TMEM170B: variants seen among roughly 807,000 people sequenced by gnomAD.
TMEM170B encodes transmembrane protein 170B.
In TMEM170B, 6 loss-of-function variants were observed where a neutral mutation model predicts 13.0. The observed-to-expected ratio is 0.46, with a 90% CI of 0.25 to 0.91. The LOEUF is 0.91. TMEM170B is among the 40% of genes least tolerant of loss of function. The pLI is 0.17. For synonymous variants in TMEM170B, 61 were observed against 64.9 expected, an observed-to-expected ratio of 0.94 and a Z score of 0.29; for missense variants, 138 against 165.2, an observed-to-expected ratio of 0.84 and a Z score of 0.90.
chr6:11,544,755 C>T (rs1238090728), intron 1 of TMEM170B, among the ~76,000 whole-genome samples: 2 of 152,180 alleles, frequency 1.3e-5, no homozygotes, highest in Non-Finnish European at 2.9e-5. Context: ...GTGTTTTTCA[C>T]AGGATTCCTA....
intron 1 of TMEM170B, among the ~76,000 whole-genome samples, chr6:11,542,458 T>C (rs758446064): frequency 2.0e-5 from 3 of 152,132 alleles, no homozygotes; most frequent in Non-Finnish European, 4.4e-5. Flanking sequence ...ACCTTGCCAT[T>C]TCATAAAGGA....
At position 11,580,170 on chromosome 6, in the gene TMEM170B, A is replaced by G. The variant is rs1052404386; in HGVS notation, c.*4609A>G. The G allele has an allele frequency of 1.1e-4, 16 of 152,172 alleles. No homozygotes were observed. The highest frequency in any genetic ancestry group is 3.9e-4 in the African/African-American group (16 of 41,490). 9.4% of individuals were successfully genotyped at this position (152,172 alleles called of 1,614,324 possible). On this transcript the variant is annotated 3_prime_UTR_variant, in exon 3 of 3. Transcript: ENST00000379426. Reference sequence around the variant, plus strand: ...GCTGGGATTACAGGCGTGCACCACCATGCCTGGCCAGTTTTGTATTTTTAG... The same window carrying G: ...GCTGGGATTACAGGCGTGCACCACCGTGCCTGGCCAGTTTTGTATTTTTAG...
At chr6:11,566,845 G>A (rs1197621707) in intron 2 of TMEM170B, among the ~76,000 whole-genome samples, 1 of 152,212 alleles carries the variant, frequency 6.6e-6, no homozygotes, top group Non-Finnish European at 1.5e-5. Flanking sequence ...TTAAGAAGTT[G>A]TATTCATGCT....
chr6:11,549,252 T>C (rs561571444), intron 1 of TMEM170B, among the ~76,000 whole-genome samples: 1 of 152,366 alleles, frequency 6.6e-6, no homozygotes, highest in South Asian at 2.1e-4. Flanking sequence ...AGTGAGCGTA[T>C]AAATTTATTT....
chr6:11,562,588 CTTTTA>C (rs1759682017), intron 1 of TMEM170B, among the ~76,000 whole-genome samples: 1 of 151,806 alleles, frequency 6.6e-6, no homozygotes, highest in South Asian at 2.1e-4. Flanking sequence ...TAAGATTAAA[CTTTTA>C]TTTTGAGATT....
chr6:11,571,175 C>CTTTTT (rs11292093), intron 2 of TMEM170B, among the ~76,000 whole-genome samples: 2 of 124,360 alleles, frequency 1.6e-5, no homozygotes, highest in Non-Finnish European at 3.7e-5. Context: ...CATATGCTTG[C>CTTTTT]TTTTTTTTTT....
At chr6:11,538,933 G>C (rs961293889) in intron 1 of TMEM170B, among the ~76,000 whole-genome samples, 1 of 152,204 alleles carries the variant, frequency 6.6e-6, no homozygotes, top group Non-Finnish European at 1.5e-5. Context: ...TGCGGTCTAA[G>C]CGTGTTAGCT....
rs1759935192 is a variant in TMEM170B, at chr6:11,580,211, C to T, written c.*4650C>T. 1 of 152,088 alleles carries T rather than the reference C, an allele frequency of 6.6e-6. No homozygotes were observed. Among genetic ancestry groups the T allele is most frequent in the Admixed American group, 6.6e-5 (1 of 15,250 alleles). The allele number at this position is 152,088 out of a possible 1,614,324, so 9.4% of individuals were successfully genotyped here. A position where few individuals can be genotyped will look rare whatever the true frequency, so the allele number is the denominator to read the frequency against. The stretch of plus-strand genomic sequence containing the variant: ...GTATTTTTAGTAGAGACAGATTTCT[C>T]TATGTTGGTCAGGCTGGTCTCAAAC... On this transcript the variant is annotated 3_prime_UTR_variant, in exon 3 of 3. Transcript: ENST00000379426.
chr6:11,546,127 C>T (rs1165245070), intron 1 of TMEM170B, among the ~76,000 whole-genome samples: 1 of 151,410 alleles, frequency 6.6e-6, no homozygotes, highest in Non-Finnish European at 1.5e-5. Flanking sequence ...CCCTGCCTGT[C>T]ATTGCCCCTG....
rs1759942174 is a variant in TMEM170B at position 11,580,559 on chromosome 6, T to C, written c.*4998T>C. ...TTGCAGAGAAATTTGGTAACACTTT[T>C]TGGGTAACTGGGTAAATTACTATTT... On this transcript the variant is annotated 3_prime_UTR_variant, in exon 3 of 3. Coordinates refer to ENST00000379426, the MANE Select transcript of TMEM170B (RefSeq NM_001100829.3). 6.6e-6 allele frequency: 1 copy of C among 152,190 alleles called. No individual in the cohort carries two copies. Among genetic ancestry groups the C allele is most frequent in the Non-Finnish European group, 1.5e-5 (1 of 68,028 alleles). The allele number at this position is 152,190 out of a possible 1,614,324, so 9.4% of individuals were successfully genotyped here.
At chr6:11,556,542 G>T (rs1759592238) in intron 1 of TMEM170B, among the ~76,000 whole-genome samples, 1 of 152,176 alleles carries the variant, frequency 6.6e-6, no homozygotes, top group South Asian at 2.1e-4. Flanking sequence ...CTGTTTCTGT[G>T]TTAGGCATGC....
In TMEM170B at chr6:11,538,239, G is replaced by A. The variant is rs748608562; in HGVS notation, c.-39G>A. 4.3e-4 allele frequency: 506 copies of A among 1,176,352 alleles called. 2 individuals are homozygous for A. Among genetic ancestry groups the A allele is most frequent in the Admixed American group, 3.4e-4 (8 of 23,382 alleles). 72.9% of individuals were successfully genotyped at this position (1,176,352 alleles called of 1,614,324 possible). ...AGCCTCGCAGCCGCCGCCGCCGCCC[G>A]GCACCCGAGGAGAGGGCGGCGGGCG... On this transcript the variant is annotated 5_prime_UTR_variant, in exon 1 of 3. Transcript: ENST00000379426.
intron 1 of TMEM170B, among the ~76,000 whole-genome samples, chr6:11,545,280 C>CTGTGTGTG (rs1210551633): frequency 0.017 from 2,381 of 139,782 alleles, 42 homozygotes; most frequent in African/African-American, 0.048. Flanking sequence ...CTCTCTCTCT[C>CTGTGTGTG]TGTGTGTGTG....
At chr6:11,546,955 C>T (rs1414879243) in intron 1 of TMEM170B, among the ~76,000 whole-genome samples, 1 of 152,168 alleles carries the variant, frequency 6.6e-6, no homozygotes, top group Non-Finnish European at 1.5e-5. Flanking sequence ...AGATTAACAA[C>T]AACAAATACT....
chr6:11,566,864 G>T lies in TMEM170B; in HGVS notation c.268+1028G>T, dbSNP rs1344346945. ...GAAGTTGTATTCATGCTCATCTGAGGCTTTCTTCCGTTTTCCGGTGGAATG... is the reference window on the plus strand; with the variant it reads ...GAAGTTGTATTCATGCTCATCTGAGTCTTTCTTCCGTTTTCCGGTGGAATG... On this transcript the variant is annotated intron_variant, in intron 2 of 2. Coordinates refer to ENST00000379426, the MANE Select transcript of TMEM170B (RefSeq NM_001100829.3). 3.3e-5 allele frequency among the ~76,000 whole-genome samples: 5 copies of T among 152,242 alleles called. No homozygotes were observed. In the East Asian group the frequency reaches 9.6e-4, roughly 29 times the overall value.
At chr6:11,563,776 G>A (rs929427244) in intron 1 of TMEM170B, among the ~76,000 whole-genome samples, 1 of 152,188 alleles carries the variant, frequency 6.6e-6, no homozygotes, top group African/African-American at 2.4e-5. Flanking sequence ...ACCAGTCTGG[G>A]CAGCACAGGC....
At chr6:11,543,359 G>A (rs541903056) in intron 1 of TMEM170B, among the ~76,000 whole-genome samples, 31 of 152,218 alleles carry the variant, frequency 2.0e-4, no homozygotes, top group African/African-American at 7.0e-4. Flanking sequence ...ATGCTGTTAA[G>A]GAAGAATGAA....
chr6:11,558,986 G>A (rs1025466964), intron 1 of TMEM170B, among the ~76,000 whole-genome samples: 2 of 152,064 alleles, frequency 1.3e-5, no homozygotes, highest in Admixed American at 1.3e-4. Flanking sequence ...TACTTAAATA[G>A]AAAATGTAGT....
intron 1 of TMEM170B, among the ~76,000 whole-genome samples, chr6:11,564,685 A>G (rs1284373497): frequency 2.6e-5 from 4 of 152,242 alleles, no homozygotes; most frequent in African/African-American, 9.6e-5. Flanking sequence ...GAAATAACTC[A>G]TTAAGGGACT....
Sources: allele counts gnomAD v4.1 joint callset (sites outside exome capture counted in the v4.1 genomes callset), GRCh38; gene constraint gnomAD v4.1.1; transcripts MANE v1.5; gene names NCBI Gene and HGNC (gene_info 2026-07-23, HGNC 2026-07-21).